XKR6: variants seen among roughly 807,000 people sequenced by gnomAD.
XKR6 encodes the protein XK related 6.
In XKR6, 22 loss-of-function variants were observed where a neutral mutation model predicts 56.7. The ratio of observed to expected loss-of-function variants is 0.39; its 90% CI spans 0.28 to 0.55. The LOEUF (loss-of-function observed/expected upper bound fraction) is 0.55, where lower values mean the gene tolerates loss of function less well. Ranked by LOEUF, XKR6 falls within the 20% of genes least tolerant of loss-of-function variation. The probability of loss-of-function intolerance (pLI) is 0.66; values close to 1 mark genes in which losing one functional copy is unlikely to be tolerated. For missense variants in XKR6, 852 were observed against 889.0 expected, an observed-to-expected ratio of 0.96 and a Z score of 0.53; for synonymous variants, 524 against 387.8, an observed-to-expected ratio of 1.35 and a Z score of -4.13.
chr8:11,009,108 T>C (rs550322257), intron 1 of XKR6, among the ~76,000 whole-genome samples: 1 of 151,650 alleles, frequency 6.6e-6, no homozygotes, highest in South Asian at 2.1e-4. Flanking sequence ...TGGGAGGTCC[T>C]GTTCTGGAGC....
intron 1 of XKR6, chr8:11,107,995 C>T (rs1798745692): frequency 6.2e-6 from 2 of 323,656 alleles, no homozygotes; most frequent in African/African-American, 2.2e-5. Context: ...ATTAGAGTTT[C>T]TTCAGGCTGC....
At chr8:11,076,619 T>C (rs1018637743) in intron 1 of XKR6, among the ~76,000 whole-genome samples, 2 of 152,086 alleles carry the variant, frequency 1.3e-5, no homozygotes, top group African/African-American at 2.4e-5. Flanking sequence ...CAATACCTAA[T>C]AATGACACAG....
intron 1 of XKR6, among the ~76,000 whole-genome samples, chr8:11,012,158 G>A (rs951814758): frequency 2.0e-5 from 3 of 152,182 alleles, no homozygotes; most frequent in African/African-American, 7.2e-5. Flanking sequence ...CACTGCAGAA[G>A]CTACCACTCA....
chr8:10,958,187 C>T (rs1400145379), intron 1 of XKR6, among the ~76,000 whole-genome samples: 1 of 152,156 alleles, frequency 6.6e-6, no homozygotes, highest in Non-Finnish European at 1.5e-5. Flanking sequence ...TGGACTCTGC[C>T]AGCCCTTCCA....
intron 1 of XKR6, among the ~76,000 whole-genome samples, chr8:11,175,742 G>A (rs764576262): frequency 1.3e-5 from 2 of 152,068 alleles, no homozygotes; most frequent in African/African-American, 2.4e-5. Context: ...TTTAAAGCCC[G>A]TACACTATGC....
rs577767248 is a variant in XKR6 at position 11,037,727 on chromosome 8, G to A, written c.765-112897C>T. 6.9e-4 allele frequency among the ~76,000 whole-genome samples: 105 copies of A among 152,234 alleles called. 1 individual carries two copies. In the South Asian group the frequency reaches 0.02, roughly 30 times the overall value. On this transcript the variant is annotated intron_variant, in intron 1 of 2. Transcript: ENST00000416569. ...ACAAAAATTGGCTGGGCATGGTGGC[G>A]TGCGCCTGTAATCCCAGCTACTTGG...
intron 2 of XKR6, among the ~76,000 whole-genome samples, chr8:10,909,384 A>G (rs1262909700): frequency 6.6e-6 from 1 of 152,134 alleles, no homozygotes; most frequent in Non-Finnish European, 1.5e-5. Flanking sequence ...GATACCCCTC[A>G]AGACTGCCTC....
intron 1 of XKR6, among the ~76,000 whole-genome samples, chr8:10,935,470 T>C (rs1483481680): frequency 3.6e-5 from 4 of 110,326 alleles, no homozygotes; most frequent in Admixed American, 2.4e-4. Context: ...CTTGCTTTTC[T>C]AGTTCTTTTA....
chr8:11,077,790 G>A (rs938600941), intron 1 of XKR6, among the ~76,000 whole-genome samples: 3 of 152,162 alleles, frequency 2.0e-5, no homozygotes, highest in Non-Finnish European at 2.9e-5. Context: ...CATGGCAACC[G>A]CTCCAATCTG....
chr8:11,131,013 G>A (rs938280184), intron 1 of XKR6, among the ~76,000 whole-genome samples: 10 of 152,058 alleles, frequency 6.6e-5, no homozygotes, highest in Non-Finnish European at 1.3e-4. Context: ...TTCATAAATC[G>A]CTAGTTATGT....
chr8:11,045,216 G>T (rs7818869), intron 1 of XKR6, among the ~76,000 whole-genome samples: 22,668 of 149,692 alleles, frequency 0.15, 1,831 homozygotes, highest in Non-Finnish European at 0.19. Flanking sequence ...CTCCTGAGTA[G>T]CTAGAGACTA....
chr8:11,065,266 A>T (rs1799945681), intron 1 of XKR6, among the ~76,000 whole-genome samples: 1 of 152,196 alleles, frequency 6.6e-6, no homozygotes, highest in African/African-American at 2.4e-5. Flanking sequence ...CAGTTACAAG[A>T]TAGTCACTTC....
At chr8:10,960,663 AT>A (rs1802034468) in intron 1 of XKR6, among the ~76,000 whole-genome samples, 1 of 152,216 alleles carries the variant, frequency 6.6e-6, no homozygotes, top group African/African-American at 2.4e-5. Flanking sequence ...GGGACAAAGG[AT>A]TTGTCCAGGG....
At chr8:11,154,195 T>A in intron 1 of XKR6, among the ~76,000 whole-genome samples, 1 of 152,188 alleles carries the variant, frequency 6.6e-6, no homozygotes. Flanking sequence ...TCATGTGATT[T>A]AGGGTGGGAG....
At chr8:11,072,937 C>G (rs1337209173) in intron 1 of XKR6, among the ~76,000 whole-genome samples, 2 of 152,116 alleles carry the variant, frequency 1.3e-5, no homozygotes, top group Non-Finnish European at 2.9e-5. Flanking sequence ...GTAATCCCAG[C>G]TACTAATGAG....
At chr8:10,971,031 A>C (rs1167179691) in intron 1 of XKR6, among the ~76,000 whole-genome samples, 2 of 151,446 alleles carry the variant, frequency 1.3e-5, no homozygotes, top group East Asian at 3.9e-4. Context: ...AGTCACATTC[A>C]ACTTAGGAAC....
intron 1 of XKR6, among the ~76,000 whole-genome samples, chr8:10,977,761 G>C (rs992229997): frequency 1.3e-5 from 2 of 151,394 alleles, no homozygotes; most frequent in African/African-American, 2.4e-5. Flanking sequence ...ACGTGGGAAG[G>C]TTACTGGACC....
Position 11,139,011 on chromosome 8 carries a change from T to A in XKR6, c.764+61565A>T, listed in dbSNP as rs373706738. Among the ~76,000 whole-genome samples the A allele has an allele frequency of 9.9e-5, 15 of 152,232 alleles. No homozygotes were observed. In the East Asian group the frequency reaches 1.9e-3, roughly 20 times the overall value. ...AGTTAGCTAGTTGCCACATTCTGGA[T>A]AATTTTCAGTAACTTGTTAATGATT... On this transcript the variant is annotated intron_variant, in intron 1 of 2. Transcript: ENST00000416569.
chr8:10,909,084 T>G (rs1433585158), intron 2 of XKR6, among the ~76,000 whole-genome samples: 1 of 151,860 alleles, frequency 6.6e-6, no homozygotes. Context: ...GAGAATTGTT[T>G]GAACTGGGGA....
Sources: allele counts gnomAD v4.1 joint callset (sites outside exome capture counted in the v4.1 genomes callset), GRCh38; gene constraint gnomAD v4.1.1; transcripts MANE v1.5; gene names NCBI Gene and HGNC (gene_info 2026-07-23, HGNC 2026-07-21).